The following GRM5 variants were observed in gnomAD, a reference collection of about 807,000 sequenced individuals.
GRM5 encodes glutamate metabotropic receptor 5, also known as metabotropic glutamate receptor 5.
Under a neutral mutation model 83.1 loss-of-function variants are expected in GRM5, and 19 were observed. The ratio of observed to expected loss-of-function variants is 0.23; its 90% CI spans 0.16 to 0.34. The LOEUF (loss-of-function observed/expected upper bound fraction) is 0.34. GRM5 is among the 10% of genes least tolerant of loss of function. GRM5 has a pLI of 1.00. For synonymous variants in GRM5, 675 were observed against 633.6 expected, an observed-to-expected ratio of 1.07 and a Z score of -0.98; for missense variants, 1,160 against 1,588.3, an observed-to-expected ratio of 0.73 and a Z score of 4.58.
At chr11:88,776,519 G>A (rs2387409) in intron 3 of GRM5, among the ~76,000 whole-genome samples, 12,594 of 152,212 alleles carry the variant, frequency 0.083, 882 homozygotes, top group Admixed American at 0.18. Flanking sequence ...AATTGATGCA[G>A]TTTCTTCATA....
At chr11:88,869,731 T>G (rs1219408489) in intron 2 of GRM5, among the ~76,000 whole-genome samples, 1 of 151,472 alleles carries the variant, frequency 6.6e-6, no homozygotes, top group East Asian at 1.9e-4. Flanking sequence ...ATTTTTATTC[T>G]CTTCAAAAAT....
intron 2 of GRM5, among the ~76,000 whole-genome samples, chr11:88,982,773 T>G (rs1302241808): frequency 6.6e-6 from 1 of 152,192 alleles, no homozygotes; most frequent in Non-Finnish European, 1.5e-5. Flanking sequence ...ATTTCCATCT[T>G]ATATAGAAGT....
At chr11:88,698,734 GTC>G (rs977399689) in intron 3 of GRM5, among the ~76,000 whole-genome samples, 2 of 152,142 alleles carry the variant, frequency 1.3e-5, no homozygotes, top group African/African-American at 4.8e-5. Context: ...TTAGACTGCA[GTC>G]TCAGTGAAGG....
At chr11:88,952,613 A>T (rs1186780434) in intron 2 of GRM5, among the ~76,000 whole-genome samples, 2 of 113,510 alleles carry the variant, frequency 1.8e-5, no homozygotes, top group Admixed American at 2.1e-4. Flanking sequence ...AAAAAGGTGA[A>T]TGCAGAAAGA....
At chr11:88,834,050 T>A (rs1245978138) in intron 3 of GRM5, among the ~76,000 whole-genome samples, 6 of 152,232 alleles carry the variant, frequency 3.9e-5, no homozygotes, top group African/African-American at 7.2e-5. Context: ...TAATGTTTGT[T>A]AGCTGAGTAG....
chr11:88,865,626 C>T (rs1375435514), intron 2 of GRM5, among the ~76,000 whole-genome samples: 1 of 151,830 alleles, frequency 6.6e-6, no homozygotes, highest in Non-Finnish European at 1.5e-5. Flanking sequence ...AAAAGGCAAC[C>T]TACAGAATGG....
intron 3 of GRM5, among the ~76,000 whole-genome samples, chr11:88,733,229 C>A (rs565413092): frequency 5.6e-4 from 85 of 152,006 alleles, no homozygotes; most frequent in Non-Finnish European, 9.6e-4. Context: ...CTGCTTATCC[C>A]CAGCATCTAA....
chr11:88,810,775 G>T (rs1408716149), intron 3 of GRM5, among the ~76,000 whole-genome samples: 1 of 152,052 alleles, frequency 6.6e-6, no homozygotes, highest in East Asian at 1.9e-4. Context: ...TGCCAACCAG[G>T]ATCATTGAAT....
chr11:88,878,417 T>G (rs1271904041), intron 2 of GRM5, among the ~76,000 whole-genome samples: 1 of 152,072 alleles, frequency 6.6e-6, no homozygotes, highest in African/African-American at 2.4e-5. Flanking sequence ...CTCCCAGCAA[T>G]GAATGCAGGG....
chr11:88,613,687 G>T (rs1938389976), intron 4 of GRM5, among the ~76,000 whole-genome samples: 1 of 151,976 alleles, frequency 6.6e-6, no homozygotes, highest in Non-Finnish European at 1.5e-5. Context: ...TTACACTCAG[G>T]ATATAAATTG....
chr11:88,757,711 G>T (rs926720493), intron 3 of GRM5, among the ~76,000 whole-genome samples: 1 of 152,092 alleles, frequency 6.6e-6, no homozygotes, highest in Non-Finnish European at 1.5e-5. Flanking sequence ...AGGAACCTTG[G>T]CACCCACTAG....
chr11:88,996,640 A>C (rs1202860828), intron 2 of GRM5, among the ~76,000 whole-genome samples: 1 of 152,248 alleles, frequency 6.6e-6, no homozygotes, highest in African/African-American at 2.4e-5. Context: ...CAGTAAGGAT[A>C]TAGACAAACA....
intron 2 of GRM5, among the ~76,000 whole-genome samples, chr11:88,979,580 C>G (rs763384557): frequency 6.6e-6 from 1 of 152,060 alleles, no homozygotes; most frequent in Non-Finnish European, 1.5e-5. Flanking sequence ...GTATACCATG[C>G]CATTTGCTTT....
chr11:89,061,368 T>C (rs1162189962), intron 1 of GRM5, among the ~76,000 whole-genome samples: 1 of 152,088 alleles, frequency 6.6e-6, no homozygotes, highest in African/African-American at 2.4e-5. Context: ...TATTGACACT[T>C]AATTTAGTTT....
chr11:88,598,781 G>A (rs1937892994), intron 5 of GRM5, among the ~76,000 whole-genome samples: 1 of 152,184 alleles, frequency 6.6e-6, no homozygotes, highest in East Asian at 1.9e-4. Context: ...AAAGAGAAAT[G>A]TCAGTGTCAG....
At chr11:88,548,842 A>T (rs978361378) in intron 8 of GRM5, among the ~76,000 whole-genome samples, 2 of 152,190 alleles carry the variant, frequency 1.3e-5, no homozygotes, top group Non-Finnish European at 2.9e-5. Context: ...TTCACCAGAG[A>T]CTAGAGAAGT....
At chr11:88,735,692 C>T (rs1397859997) in intron 3 of GRM5, among the ~76,000 whole-genome samples, 2 of 152,040 alleles carry the variant, frequency 1.3e-5, no homozygotes, top group Admixed American at 1.3e-4. Context: ...TCTGTCTTCC[C>T]ATTAATTTAT....
At position 88,508,723 on chromosome 11, in the gene GRM5, T is replaced by G. The variant is rs1941253092; in HGVS notation, c.3508A>C (p.Arg1170=). The change falls in exon 10 of 10, where the codon AGA becomes CGA. Residue 1170 remains arginine, a synonymous_variant. Transcript: ENST00000305447. The surrounding 1 kb of genome is among the most constrained non-coding windows in gnomAD (Gnocchi z 4.2). ...LVALTPPSPF[R]DSVDSGSTTP... ...GTGCTCCCCGAGTCCACCGAGTCTC[T>G]GAAGGGGGACGGCGGGGTGAGAGCC... The G allele has an allele frequency of 6.3e-7, 1 of 1,591,354 alleles. No homozygotes were observed. The highest frequency in any genetic ancestry group is 8.5e-7 in the Non-Finnish European group (1 of 1,170,162).
chr11:88,708,708 A>T (rs1481879132), intron 3 of GRM5, among the ~76,000 whole-genome samples: 2 of 152,098 alleles, frequency 1.3e-5, no homozygotes, highest in Admixed American at 6.6e-5. Flanking sequence ...TAAAATTTAT[A>T]TAGGAAAATT....
Sources: allele counts gnomAD v4.1 joint callset (sites outside exome capture counted in the v4.1 genomes callset), GRCh38; gene constraint gnomAD v4.1.1; non-coding constraint Gnocchi (gnomAD v3.1); transcripts MANE v1.5; gene names NCBI Gene and HGNC (gene_info 2026-07-23, HGNC 2026-07-21).